POLR2E: variants seen among roughly 807,000 people sequenced by gnomAD.
The protein encoded by POLR2E is RNA polymerase II, I and III subunit E.
A neutral mutation model predicts 29.8 loss-of-function variants in POLR2E; 35 were observed. That is an observed-to-expected ratio of 1.17 (90% CI 0.90 to 1.55). POLR2E has a LOEUF of 1.55. POLR2E is among the 40% of genes most tolerant of loss of function. The pLI is 0.00. For synonymous variants in POLR2E, 174 were observed against 112.6 expected, an observed-to-expected ratio of 1.55 and a Z score of -3.45; for missense variants, 287 against 288.6, an observed-to-expected ratio of 0.99 and a Z score of 0.04.
At chr19:1,091,033 A>G (rs1007768817) in intron 3 of POLR2E, 45 bp from the exon 4 acceptor site, 1 of 1,537,830 alleles carries the variant, frequency 6.5e-7, no homozygotes, top group Non-Finnish European at 8.9e-7. Context: ...GGGCCCAGAC[A>G]ACCCCAACCC....
chr19:1,093,441 C>T (rs991481807), intron 2 of POLR2E, among the ~76,000 whole-genome samples: 9 of 150,804 alleles, frequency 6.0e-5, no homozygotes, highest in African/African-American at 1.7e-4. Flanking sequence ...GCTCGAGGGA[C>T]GAGTACCGGA....
In POLR2E at chr19:1,091,873, C is replaced by T. The variant is rs749264255; in HGVS notation, c.267G>A (p.Val89=). 5.6e-6 allele frequency: 9 copies of T among 1,612,978 alleles called. No individual in the cohort carries two copies. The East Asian group carries it at 1.8e-4, about 32-fold the overall frequency. ...EPKVGIKTIK[V]YCQRMQEENI... ...TCTCCTCCTGCATGCGCTGGCAGTA[C>T]ACCTTGATGGTCTTGATGCCCACCT... The change falls in exon 3 of 8, where the codon GTG becomes GTA. Residue 89 remains valine, a synonymous_variant. Transcript: ENST00000615234.
At chr19:1,089,708 C>G (rs2043787674) in intron 6 of POLR2E, 157 bp from the exon 7 acceptor site, 1 of 796,748 alleles carries the variant, frequency 1.3e-6, no homozygotes, top group Non-Finnish European at 2.1e-6. Flanking sequence ...CTGGGTCACG[C>G]TCTTCTCTGG....
In POLR2E at chr19:1,090,990, T is replaced by C. The variant is rs2043816254; in HGVS notation, c.349-2A>G. 1 of 1,613,516 alleles carries C rather than the reference T, an allele frequency of 6.2e-7. No homozygotes were observed. Among genetic ancestry groups the C allele is most frequent in the East Asian group, 2.2e-5 (1 of 44,882 alleles). On this transcript the variant is annotated splice_acceptor_variant, in intron 3 of 7. Coordinates refer to ENST00000615234, the MANE Select transcript of POLR2E (RefSeq NM_002695.5). LOFTEE classifies it high-confidence loss of function. ...CTTGGGGGCCATGTCGACCAGGGAC[T>C]GGAAGAGAGCGGCTCTAAGGCACGG...
At chr19:1,093,442 G>C (rs916245333) in intron 2 of POLR2E, among the ~76,000 whole-genome samples, 1 of 151,876 alleles carries the variant, frequency 6.6e-6, no homozygotes, top group Non-Finnish European at 1.5e-5. Context: ...CTCGAGGGAC[G>C]AGTACCGGAC....
At chr19:1,091,392 CGACA>C (rs1450349773) in intron 3 of POLR2E, 3 of 364,378 alleles carry the variant, frequency 8.2e-6, no homozygotes, top group Admixed American at 4.1e-5. Context: ...CCAGAGTGTC[CGACA>C]GACAGACGGG....
At chr19:1,090,382 C>A (rs1049772534) in intron 4 of POLR2E, among the ~76,000 whole-genome samples, 11 of 151,648 alleles carry the variant, frequency 7.3e-5, no homozygotes, top group African/African-American at 2.2e-4. Context: ...TGCTGGGACT[C>A]CTCCTGTCCC....
At chr19:1,091,063 C>T (rs2043818236) in intron 3 of POLR2E, 75 bp from the exon 4 acceptor site, 4 of 1,324,908 alleles carry the variant, frequency 3.0e-6, no homozygotes, top group East Asian at 2.3e-5. Context: ...CCTCAAGCTA[C>T]CTGGGGCTTA....
intron 2 of POLR2E, 30 bp from the exon 3 acceptor site, chr19:1,091,937 G>T: frequency 6.6e-7 from 1 of 1,510,526 alleles, no homozygotes; most frequent in Non-Finnish European, 9.2e-7. Flanking sequence ...TGGCCTGCAC[G>T]AGCCTGGGCC....
chr19:1,094,136 C>T (rs369842310), intron 1 of POLR2E, 58 bp from the exon 2 acceptor site: 117 of 1,526,982 alleles, frequency 7.7e-5, no homozygotes, highest in African/African-American at 2.1e-4. Context: ...GGCCAAAGCT[C>T]GTGACCCGGA....
At position 1,089,922 on chromosome 19, in the gene POLR2E, C is replaced by A. The variant is rs769774420; in HGVS notation, c.529G>T (p.Asp177Tyr). 2 of 1,612,928 alleles carry A rather than the reference C, an allele frequency of 1.2e-6. No individual in the cohort carries two copies. The highest frequency in any genetic ancestry group is 1.1e-5 in the South Asian group (1 of 91,038). Residue 177 changes from aspartate (D) to tyrosine (Y), a missense_variant, in exon 6 of 8, where the codon GAC (aspartate) becomes TAC (tyrosine). Asp to Tyr is a radical substitution (Grantham distance 160). Transcript: ENST00000615234. ...ATCCCAAAGTAGCGCGCCACAGGGT[C>A]CCCCGCCTGGATCCTGGGCAGCTGG... ...ENQLPRIQAG[D>Y]PVARYFGIKR...
chr19:1,090,369 T>A (rs2043802799), intron 4 of POLR2E, among the ~76,000 whole-genome samples: 1 of 144,898 alleles, frequency 6.9e-6, no homozygotes. Flanking sequence ...CACAGCCACC[T>A]CCTGCTGGGA....
At chr19:1,091,694 GGCCCAAA>G in intron 3 of POLR2E, 91 bp downstream of exon 3, 1 of 808,900 alleles carries the variant, frequency 1.2e-6, no homozygotes, top group South Asian at 1.4e-5. Context: ...TGGCTGGCCT[GGCCCAAA>G]GCCCAAGGCA....
Position 1,090,101 on chromosome 19 carries a change from C to T in POLR2E, c.474G>A (p.Glu158=). ...HVVMTKEEVT[E]LLARYKLREN... ...GGAAAGGATACTATCGGGCCAGCAG[C>T]TCTGTCACCTCCTCCTTGGTCATGA... Residue 158 remains glutamate, a synonymous_variant, in exon 5 of 8, where the codon GAG becomes GAA. Coordinates refer to ENST00000615234, the MANE Select transcript of POLR2E (RefSeq NM_002695.5). The T allele has an allele frequency of 6.2e-7, 1 of 1,612,556 alleles. No homozygotes were observed. The highest frequency in any genetic ancestry group is 8.5e-7 in the Non-Finnish European group (1 of 1,179,908).
intron 5 of POLR2E, 58 bp downstream of exon 5, chr19:1,090,029 G>GGGGGC: frequency 1.0e-6 from 1 of 961,930 alleles, no homozygotes; most frequent in Non-Finnish European, 1.6e-6. Flanking sequence ...TGTGGGGGGG[G>GGGGGC]AACGCGGAAG....
chr19:1,090,196 C>T (rs767547949), intron 4 of POLR2E, 51 bp from the exon 5 acceptor site: 14 of 1,541,450 alleles, frequency 9.1e-6, no homozygotes, highest in South Asian at 3.4e-5. Flanking sequence ...TGAGACCCCA[C>T]GTGGCTCCCA....
chr19:1,092,602 G>C (rs2043860327), intron 2 of POLR2E, among the ~76,000 whole-genome samples: 1 of 151,906 alleles, frequency 6.6e-6, no homozygotes, highest in Non-Finnish European at 1.5e-5. Flanking sequence ...GCAGGAGAAT[G>C]GCGTGAACCC....
intron 2 of POLR2E, 146 bp downstream of exon 2, chr19:1,093,758 C>A (rs1568516580): frequency 7.1e-7 from 1 of 1,414,594 alleles, no homozygotes; most frequent in Non-Finnish European, 9.2e-7. Context: ...TCACCCACAG[C>A]AAGGAAGGGG....
At position 1,089,475 on chromosome 19, in the gene POLR2E, T is replaced by C. The variant is rs1401445922; in HGVS notation, c.*11A>G. ...GCCTGTCCCTCGGCCGTCTCACCTG[T>C]CAGGCGGTAGCTACTGCACCAGCCG... On this transcript the variant is annotated 3_prime_UTR_variant, in exon 7 of 8. Coordinates refer to ENST00000615234, the MANE Select transcript of POLR2E (RefSeq NM_002695.5). The C allele has an allele frequency of 6.2e-6, 10 of 1,609,868 alleles. No individual in the cohort carries two copies. The highest frequency in any genetic ancestry group is 8.5e-6 in the Non-Finnish European group (10 of 1,176,670).
Sources: gnomAD v4.1 joint callset for allele counts (sites outside exome capture counted in the v4.1 genomes callset) on GRCh38, gnomAD v4.1.1 for gene constraint, MANE v1.5 for transcripts, NCBI Gene and HGNC (gene_info 2026-07-23, HGNC 2026-07-21) for gene names.